Variants in BRD3 observed in about 807,000 individuals in gnomAD.
The protein encoded by BRD3 is bromodomain containing 3.
BRD3 carries 17 observed loss-of-function variants against 66.8 expected under a neutral mutation model. The ratio of observed to expected loss-of-function variants is 0.25; its 90% CI spans 0.17 to 0.38. The LOEUF (loss-of-function observed/expected upper bound fraction) is 0.38. Among genes scored for constraint, BRD3 ranks in the 10% least tolerant of loss-of-function variants. The probability of loss-of-function intolerance (pLI) is 1.00; values close to 1 mark genes in which losing one functional copy is unlikely to be tolerated. For synonymous variants in BRD3, 421 were observed against 393.2 expected (o/e 1.07, Z -0.84); for missense variants, 713 against 956.1 (o/e 0.75, Z 3.35).
chr9:134,062,531 T>C (rs1366736780), intron 1 of BRD3, among the ~76,000 whole-genome samples: 2 of 152,162 alleles, frequency 1.3e-5, no homozygotes, highest in Admixed American at 1.3e-4. Context: ...GTGAGCGGCC[T>C]CTCTGAAGGT....
chr9:134,055,071 G>A (rs908943061), intron 1 of BRD3, among the ~76,000 whole-genome samples: 2 of 151,968 alleles, frequency 1.3e-5, no homozygotes, highest in African/African-American at 4.8e-5. Context: ...TCACCGACCC[G>A]GTGCTCACAG....
chr9:134,061,489 A>G (rs1057409058), intron 1 of BRD3, among the ~76,000 whole-genome samples: 1 of 152,128 alleles, frequency 6.6e-6, no homozygotes, highest in African/African-American at 2.4e-5. Context: ...GGGAGACAGG[A>G]GCACTGGAAC....
At position 134,050,542 on chromosome 9, in the gene BRD3, G is replaced by A; in HGVS notation, c.546C>T (p.Pro182=). Residue 182 remains proline, a synonymous_variant, in exon 5 of 12, where the codon CCC becomes CCT. Coordinates refer to ENST00000303407, the MANE Select transcript of BRD3 (RefSeq NM_007371.4). ...AAVSSVSPAT[P]FQSVPPTVSQ... is the part of the protein sequence containing the mutation. ...AGACGGTGGGGGGCACGCTCTGAAAGGGGGTCGCTGGGGAGACAGAGGACA... is the reference window on the plus strand; with the variant it reads ...AGACGGTGGGGGGCACGCTCTGAAAAGGGGTCGCTGGGGAGACAGAGGACA... The A allele has an allele frequency of 2.5e-6, 4 of 1,604,634 alleles. No homozygotes were observed. Among genetic ancestry groups the A allele is most frequent in the Non-Finnish European group, 3.4e-6 (4 of 1,176,476 alleles).
chr9:134,042,774 C>T (rs1172209587), intron 7 of BRD3, among the ~76,000 whole-genome samples: 2 of 125,770 alleles, frequency 1.6e-5, no homozygotes, highest in African/African-American at 3.0e-5. Flanking sequence ...TACACACACA[C>T]ATATATATAC....
At chr9:134,050,329 T>C in intron 5 of BRD3, 45 bp downstream of exon 5, 1 of 1,571,126 alleles carries the variant, frequency 6.4e-7, no homozygotes, top group Non-Finnish European at 8.7e-7. Context: ...TCAGGAACCC[T>C]GGCCGGGCTC....
chr9:134,046,472 G>A (rs865887889), intron 6 of BRD3, among the ~76,000 whole-genome samples: 4 of 152,182 alleles, frequency 2.6e-5, no homozygotes, highest in South Asian at 2.1e-4. Context: ...GTCCTAACCC[G>A]CAGAGGGCGC....
intron 2 of BRD3, among the ~76,000 whole-genome samples, chr9:134,053,016 C>CT (rs1195073124): frequency 1.3e-5 from 2 of 152,222 alleles, no homozygotes; most frequent in Non-Finnish European, 2.9e-5. Context: ...TCACCACCCA[C>CT]TCGCTTTCCT....
intron 1 of BRD3, chr9:134,054,425 G>A (rs1232107516): frequency 1.3e-5 from 2 of 152,330 alleles, no homozygotes; most frequent in Non-Finnish European, 2.9e-5. Context: ...GCTGCACAGT[G>A]GAGAACGCAT....
chr9:134,034,139 G>A (rs1299310913), intron 11 of BRD3, among the ~76,000 whole-genome samples: 1 of 152,228 alleles, frequency 6.6e-6, no homozygotes, highest in African/African-American at 2.4e-5. Flanking sequence ...ATGGCCCCCA[G>A]CTAGAACATG....
chr9:134,062,691 A>C (rs1830570616), intron 1 of BRD3, among the ~76,000 whole-genome samples: 1 of 152,178 alleles, frequency 6.6e-6, no homozygotes, highest in African/African-American at 2.4e-5. Context: ...GAGGCGCGTG[A>C]GGAGGCCCGA....
chr9:134,060,456 T>C (rs960182283), intron 1 of BRD3, among the ~76,000 whole-genome samples: 23 of 152,194 alleles, frequency 1.5e-4, no homozygotes, highest in African/African-American at 5.1e-4. Context: ...TAGCCAGGCC[T>C]GGTGGTGCAC....
In BRD3 at chr9:134,045,886, G is replaced by A. The variant is rs545354473; in HGVS notation, c.1087-465C>T. ...ACAAGGAAATGTAATTTTTTCCCTC[G>A]AGGAAGCCAGTAGCTGTTAGCCAGC... On this transcript the variant is annotated intron_variant, in intron 6 of 11. Coordinates refer to ENST00000303407, the MANE Select transcript of BRD3 (RefSeq NM_007371.4). The surrounding 1 kb of genome is among the most constrained non-coding windows in gnomAD (Gnocchi z 4.8). 2.4e-4 allele frequency among the ~76,000 whole-genome samples: 36 copies of A among 152,278 alleles called. 1 individual carries two copies. The South Asian group carries it at 5.6e-3, about 24-fold the overall frequency.
In BRD3 at chr9:134,040,282, G is replaced by T. The variant is rs73558792; in HGVS notation, c.1408-13C>A. ...GCACGGCCTTCAGCTGGAAAAGAGC[G>T]GGCGGCTGAGCAGGTGCTGGGCACG... On this transcript the variant is annotated splice_polypyrimidine_tract_variant and intron_variant, in intron 8 of 11. Transcript: ENST00000303407. 1.9e-6 allele frequency: 3 copies of T among 1,586,554 alleles called. No homozygotes were observed. Among genetic ancestry groups the T allele is most frequent in the South Asian group, 2.3e-5 (2 of 87,664 alleles).
rs1830152074 is a variant in BRD3 at position 134,045,691 on chromosome 9, A to G, written c.1087-270T>C. 1.3e-5 allele frequency among the ~76,000 whole-genome samples: 2 copies of G among 152,140 alleles called. No individual in the cohort carries two copies. The highest frequency in any genetic ancestry group is 1.3e-4 in the Admixed American group (2 of 15,288). On this transcript the variant is annotated intron_variant, in intron 6 of 11. Coordinates refer to ENST00000303407, the MANE Select transcript of BRD3 (RefSeq NM_007371.4). The surrounding 1 kb of genome is among the most constrained non-coding windows in gnomAD (Gnocchi z 4.8). ...TGATTGGAAGAAAAATGCACTCAAC[A>G]AGAAATCCCAGGTTCCCGTAGGCGT...
intron 7 of BRD3, among the ~76,000 whole-genome samples, chr9:134,042,702 CATATATATACACATATATACACAT>C (rs1485802179): frequency 1.0e-4 from 9 of 86,640 alleles, no homozygotes; most frequent in African/African-American, 2.6e-4. Context: ...TATACACACA[CATATATATACACATATATACACAT>C]ATATATACAC....
At chr9:134,041,601 C>T (rs937589269) in intron 8 of BRD3, among the ~76,000 whole-genome samples, 159 bp downstream of exon 8, 2 of 152,258 alleles carry the variant, frequency 1.3e-5, no homozygotes, top group African/African-American at 2.4e-5. Flanking sequence ...CACCCCAGAC[C>T]TGGGGAGGGC....
intron 1 of BRD3, among the ~76,000 whole-genome samples, chr9:134,065,014 G>C (rs1018681576): frequency 6.6e-6 from 1 of 152,226 alleles, no homozygotes; most frequent in South Asian, 2.1e-4. Context: ...CACAGGGGTC[G>C]GGAAGGCCCA....
chr9:134,042,668 CACATAT>C (rs1202603564), intron 7 of BRD3, among the ~76,000 whole-genome samples: 3 of 146,068 alleles, frequency 2.1e-5, no homozygotes, highest in Admixed American at 6.9e-5. Context: ...CACACACACA[CACATAT>C]ATATACACAC....
intron 1 of BRD3, among the ~76,000 whole-genome samples, chr9:134,063,146 G>C (rs531699294): frequency 1.3e-5 from 2 of 152,242 alleles, no homozygotes; most frequent in Non-Finnish European, 2.9e-5. Flanking sequence ...CATCCCCTTG[G>C]TTATTTCGTC....
Sources: gnomAD v4.1 joint callset for allele counts (sites outside exome capture counted in the v4.1 genomes callset) on GRCh38, gnomAD v4.1.1 for gene constraint, Gnocchi (gnomAD v3.1) non-coding constraint, MANE v1.5 for transcripts, NCBI Gene and HGNC (gene_info 2026-07-23, HGNC 2026-07-21) for gene names.